The following SCN11A variants were observed in gnomAD, a reference collection of about 807,000 sequenced individuals.
The protein encoded by SCN11A is sodium voltage-gated channel alpha subunit 11, also known as sodium channel protein type 11 subunit alpha.
In SCN11A, 122 loss-of-function variants were observed where a neutral mutation model predicts 162.2. The ratio of observed to expected loss-of-function variants is 0.75; its 90% CI spans 0.65 to 0.87. SCN11A has a LOEUF of 0.87. Among genes scored for constraint, SCN11A ranks in the 40% least tolerant of loss-of-function variants. The pLI, the probability that SCN11A is intolerant of heterozygous loss-of-function variation, is 0.00. For missense variants in SCN11A, 2,015 were observed against 2,181.6 expected, an observed-to-expected ratio of 0.92 and a Z score of 1.52; for synonymous variants, 758 against 751.5, an observed-to-expected ratio of 1.01 and a Z score of -0.14.
chr3:39,018,025 T>A (rs2031343685), intron 2 of SCN11A, among the ~76,000 whole-genome samples: 2 of 152,232 alleles, frequency 1.3e-5, no homozygotes, highest in Non-Finnish European at 2.9e-5. Flanking sequence ...GGTCTTACTT[T>A]TAAGATTTGT....
chr3:39,006,779 G>C (rs146908552), intron 2 of SCN11A, among the ~76,000 whole-genome samples: 4,161 of 152,044 alleles, frequency 0.027, 206 homozygotes, highest in African/African-American at 0.095. Context: ...TCCATCCTGG[G>C]TGACAGAGTG....
intron 2 of SCN11A, among the ~76,000 whole-genome samples, chr3:39,020,066 G>A (rs759323445): frequency 6.6e-5 from 10 of 152,076 alleles, no homozygotes; most frequent in Non-Finnish European, 1.0e-4. Context: ...ATGATTTTGC[G>A]CAAAGTATTT....
chr3:38,904,334 AC>A (rs2065756529), intron 15 of SCN11A, among the ~76,000 whole-genome samples: 1 of 152,020 alleles, frequency 6.6e-6, no homozygotes. Context: ...AAATATTTAC[AC>A]TCTTACTGAG....
chr3:38,973,122 GAA>G (rs1443206443), intron 2 of SCN11A, among the ~76,000 whole-genome samples: 1 of 152,134 alleles, frequency 6.6e-6, no homozygotes, highest in East Asian at 1.9e-4. Context: ...GTAGAAAAAA[GAA>G]AAGTTATAAG....
chr3:38,900,617 C>T (rs2065683849), intron 16 of SCN11A, among the ~76,000 whole-genome samples: 1 of 138,402 alleles, frequency 7.2e-6, no homozygotes, highest in East Asian at 2.0e-4. Context: ...TTAGAAAACA[C>T]TTCCAGGGGC....
At chr3:38,910,022 T>G (rs2125538027) in intron 12 of SCN11A, 44 bp downstream of exon 12, 2 of 1,580,174 alleles carry the variant, frequency 1.3e-6, no homozygotes, top group East Asian at 2.3e-5. Context: ...AGGAAAAGGA[T>G]GGAGGGAGGG....
intron 1 of SCN11A, among the ~76,000 whole-genome samples, chr3:39,050,783 G>C (rs187515139): frequency 1.5e-3 from 222 of 152,244 alleles, no homozygotes; most frequent in African/African-American, 5.1e-3. Flanking sequence ...AATTATTAAT[G>C]AGATATTTTA....
intron 7 of SCN11A, among the ~76,000 whole-genome samples, chr3:38,942,839 TAAAG>T (rs1008729681): frequency 6.6e-6 from 1 of 152,148 alleles, no homozygotes; most frequent in Non-Finnish European, 1.5e-5. Context: ...AAAAAATTAA[TAAAG>T]ACTTTGAAAC....
At chr3:38,872,353 AT>A in intron 23 of SCN11A, 59 bp from the exon 24 acceptor site, 1 of 896,602 alleles carries the variant, frequency 1.1e-6, no homozygotes, top group Non-Finnish European at 1.9e-6. Flanking sequence ...TGGAAAGTCC[AT>A]TTTTCTCCTT....
chr3:38,910,308 C>T (rs775558729), intron 11 of SCN11A, 101 bp from the exon 12 acceptor site: 1 of 1,193,884 alleles, frequency 8.4e-7, no homozygotes, highest in Non-Finnish European at 1.2e-6. Flanking sequence ...TGGGATCACA[C>T]CAGGAGCCCT....
chr3:38,970,677 A>G (rs1419447909), intron 2 of SCN11A, among the ~76,000 whole-genome samples: 1 of 152,162 alleles, frequency 6.6e-6, no homozygotes, highest in Non-Finnish European at 1.5e-5. Context: ...TCTGTGACCC[A>G]TGCTCTGGGC....
In SCN11A at chr3:38,867,344, T is replaced by C; in HGVS notation, c.3928A>G (p.Asn1310Asp). The change falls in exon 27 of 30, where the codon AAC becomes GAC. Residue 1310 changes from asparagine (N) to aspartate (D), a missense_variant. Physicochemically the swap from Asn to Asp is conservative, Grantham distance 23. Coordinates refer to ENST00000302328, the MANE Select transcript of SCN11A (RefSeq NM_001349253.2). Reference protein sequence around the residue: ...LNLFIGVIIDNFNQQQKKLGG... With the variant: ...LNLFIGVIIDDFNQQQKKLGG... ...ATCTTTTTCTGCTGTTGGTTGAAGT[T>C]GTCAATGATAACGCCAATGAAGAGA... 1 of 1,613,296 alleles carries C rather than the reference T, an allele frequency of 6.2e-7. No individual in the cohort carries two copies. The highest frequency in any genetic ancestry group is 8.5e-7 in the Non-Finnish European group (1 of 1,179,644).
In SCN11A at chr3:38,894,604, C is replaced by G. The variant is rs1406051387; in HGVS notation, c.2764G>C (p.Glu922Gln). The change falls in exon 19 of 30, where the codon GAG becomes CAG. Residue 922 changes from glutamate (E) to glutamine (Q), a missense_variant. Coordinates refer to ENST00000302328, the MANE Select transcript of SCN11A (RefSeq NM_001349253.2). The stretch of plus-strand genomic sequence containing the variant: ...CCAGAAAATTCAACGTCATCTTCCT[C>G]CTCCGCAAGTGGTGCCAACCAAGTC... ...DWTWLAPLAE[E>Q]EDDVEFSGED... 6.2e-7 allele frequency: 1 copy of G among 1,614,140 alleles called. No individual in the cohort carries two copies. Among genetic ancestry groups the G allele is most frequent in the Admixed American group, 1.7e-5 (1 of 60,018 alleles).
At chr3:38,986,354 C>A (rs2030241911) in intron 2 of SCN11A, among the ~76,000 whole-genome samples, 1 of 141,946 alleles carries the variant, frequency 7.0e-6, no homozygotes, top group Non-Finnish European at 1.5e-5. Flanking sequence ...CAGAGAGATA[C>A]AAATGGATCA....
At chr3:38,989,180 C>G (rs1318688655) in intron 2 of SCN11A, among the ~76,000 whole-genome samples, 1 of 152,210 alleles carries the variant, frequency 6.6e-6, no homozygotes, top group East Asian at 1.9e-4. Flanking sequence ...AAGTAGCGCT[C>G]TGGTCAACAG....
rs1372910740 is a variant in SCN11A, at chr3:38,847,272, T to C, written c.4798A>G (p.Ile1600Val). The C allele has an allele frequency of 1.9e-6, 3 of 1,614,080 alleles. No individual in the cohort carries two copies. The highest frequency in any genetic ancestry group is 2.7e-5 in the African/African-American group (2 of 74,932). ...TTGAAGTTCTCTAAAATCACAGCAA[T>C]GTACATGTTGACAACAATGAGAAAG... ...ISFLIVVNMY[I>V]AVILENFNTA... is the part of the protein sequence containing the mutation. Residue 1600 changes from isoleucine to valine, a missense_variant, in exon 30 of 30, where the codon ATT becomes GTT. Transcript: ENST00000302328.
At chr3:39,048,883 G>C (rs2032251866) in intron 1 of SCN11A, among the ~76,000 whole-genome samples, 1 of 152,226 alleles carries the variant, frequency 6.6e-6, no homozygotes, top group African/African-American at 2.4e-5. Flanking sequence ...AGGTGTTCTA[G>C]CCACAGCTTT....
intron 2 of SCN11A, among the ~76,000 whole-genome samples, chr3:39,026,980 C>T (rs1371322210): frequency 6.6e-6 from 1 of 152,070 alleles, no homozygotes; most frequent in Admixed American, 6.5e-5. Context: ...TCTAGATGTC[C>T]CTAAAGCCCC....
rs149865639 is a variant in SCN11A, at chr3:38,907,802, A to G, written c.1473+147T>C. ...GTTTACAAATAAATGGATAATTGAAAAGACACATGGATGCATGAAAGTATG... is the reference window on the plus strand; with the variant it reads ...GTTTACAAATAAATGGATAATTGAAGAGACACATGGATGCATGAAAGTATG... On this transcript the variant is annotated intron_variant, in intron 14 of 29. Transcript: ENST00000302328. 1.3e-3 allele frequency: 891 copies of G among 691,750 alleles called. 4 individuals are homozygous for G. In the African/African-American group the frequency reaches 0.013, roughly 10 times the overall value. The allele number at this position is 691,750 out of a possible 1,614,324, so 42.9% of individuals were successfully genotyped here. A position where few individuals can be genotyped will look rare whatever the true frequency, so the allele number is the denominator to read the frequency against.
Sources: allele counts gnomAD v4.1 joint callset (sites outside exome capture counted in the v4.1 genomes callset), GRCh38; gene constraint gnomAD v4.1.1; transcripts MANE v1.5; gene names NCBI Gene and HGNC (gene_info 2026-07-23, HGNC 2026-07-21).